WDR86: variants seen among roughly 807,000 people sequenced by gnomAD.
WDR86 encodes the protein WD repeat domain 86.
A neutral mutation model predicts 36.5 loss-of-function variants in WDR86; 30 were observed. The observed-to-expected ratio is 0.82, with a 90% CI of 0.61 to 1.11. The LOEUF (loss-of-function observed/expected upper bound fraction) is 1.11, where lower values mean the gene tolerates loss of function less well. Ranked by LOEUF, WDR86 falls within the 50% of genes most tolerant of loss-of-function variation. WDR86 has a pLI of 0.00. For synonymous variants in WDR86, 255 were observed against 252.9 expected, an observed-to-expected ratio of 1.01 and a Z score of -0.08; for missense variants, 545 against 561.2, an observed-to-expected ratio of 0.97 and a Z score of 0.29.
downstream of WDR86, chr7:151,381,074 A>G (rs1204028968): frequency 4.5e-6 from 5 of 1,106,254 alleles, no homozygotes; most frequent in East Asian, 1.1e-4. This position sits in a 1 kb window ranked among gnomAD's most constrained non-coding sequence, Gnocchi z 4.8. Context: ...CCAAGCTCCA[A>G]AAAGAAGCTG....
At chr7:151,392,585 C>T (rs923998411) in intron 3 of WDR86, among the ~76,000 whole-genome samples, 3 of 152,136 alleles carry the variant, frequency 2.0e-5, no homozygotes, top group Admixed American at 6.5e-5. Flanking sequence ...CCTCATCCCA[C>T]GAGCCTGGCT....
chr7:151,393,945 G>A (rs922200024), intron 3 of WDR86, among the ~76,000 whole-genome samples: 18 of 152,112 alleles, frequency 1.2e-4, no homozygotes, highest in Admixed American at 9.2e-4. Context: ...GGATGATGTC[G>A]AGTTAAAAGG....
chr7:151,376,708 C>T (rs185541608), downstream of WDR86: 71 of 1,608,876 alleles, frequency 4.4e-5, no homozygotes, highest in Middle Eastern at 1.7e-4. Flanking sequence ...TCCAGCTGGC[C>T]GCCCAGACCC....
intron 1 of WDR86, among the ~76,000 whole-genome samples, chr7:151,400,755 C>A (rs59658645): frequency 6.6e-6 from 1 of 152,150 alleles, no homozygotes; most frequent in Non-Finnish European, 1.5e-5. Flanking sequence ...CAGTGAGGCA[C>A]GACAGATAGT....
intron 4 of WDR86, 37 bp downstream of exon 4, chr7:151,385,051 T>TG: frequency 1.3e-6 from 2 of 1,549,090 alleles, no homozygotes; most frequent in East Asian, 4.5e-5. Context: ...GAAGCCAGGC[T>TG]GGGGTGGCAC....
At chr7:151,398,765 C>T (rs1319667205) in intron 2 of WDR86, among the ~76,000 whole-genome samples, 1 of 152,152 alleles carries the variant, frequency 6.6e-6, no homozygotes, top group African/African-American at 2.4e-5. Flanking sequence ...TCTGGCCGAG[C>T]ATGATTTCTA....
At chr7:151,383,664 G>A (rs999018761) in intron 4 of WDR86, among the ~76,000 whole-genome samples, 2 of 152,170 alleles carry the variant, frequency 1.3e-5, no homozygotes, top group South Asian at 2.1e-4. Context: ...CCCCAGAGGG[G>A]AAGTTTCATT....
At chr7:151,410,312 C>T (rs1801122060), upstream of WDR86, among the ~76,000 whole-genome samples, 1 of 152,266 alleles carries the variant, frequency 6.6e-6, no homozygotes, top group Non-Finnish European at 1.5e-5. Context: ...GGGAGAATCG[C>T]GCGCCGGGAA....
chr7:151,391,774 C>T (rs1799455400), intron 3 of WDR86, among the ~76,000 whole-genome samples: 1 of 152,132 alleles, frequency 6.6e-6, no homozygotes, highest in African/African-American at 2.4e-5. Context: ...ATGGCGGGAA[C>T]AAAGTAAAAG....
chr7:151,403,611 C>T (rs914011921), intron 1 of WDR86, among the ~76,000 whole-genome samples: 3 of 152,108 alleles, frequency 2.0e-5, no homozygotes, highest in Non-Finnish European at 2.9e-5. Flanking sequence ...TATACCAGGC[C>T]GCTAAGAAAA....
intron 2 of WDR86, among the ~76,000 whole-genome samples, chr7:151,397,796 AG>A (rs1799967691): frequency 5.0e-5 from 2 of 39,830 alleles, no homozygotes; most frequent in African/African-American, 1.3e-4. Context: ...GCATAGCGGG[AG>A]GAAGGGCATA....
downstream of WDR86, chr7:151,377,276 G>A (rs1798346544): frequency 1.6e-6 from 2 of 1,236,176 alleles, no homozygotes; most frequent in African/African-American, 1.5e-5. Context: ...CTATCATTAT[G>A]AAAAGGCTAA....
chr7:151,398,510 A>G (rs1800050354), intron 2 of WDR86, among the ~76,000 whole-genome samples: 1 of 149,132 alleles, frequency 6.7e-6, no homozygotes, highest in Non-Finnish European at 1.5e-5. Context: ...GCACGTGTGT[A>G]TGTGTAAGTT....
chr7:151,407,579 T>G (rs1380649157), intron 1 of WDR86, among the ~76,000 whole-genome samples: 1 of 152,162 alleles, frequency 6.6e-6, no homozygotes, highest in Non-Finnish European at 1.5e-5. Context: ...TGGCTCACAC[T>G]TGTAATCTCA....
At chr7:151,399,946 G>A (rs535227130) in intron 2 of WDR86, among the ~76,000 whole-genome samples, 154 bp downstream of exon 2, 9 of 152,206 alleles carry the variant, frequency 5.9e-5, no homozygotes, top group Non-Finnish European at 1.0e-4. Context: ...GGTCCACGTC[G>A]CTGGGTGCTA....
At chr7:151,375,650 G>A (rs915924206), downstream of WDR86, among the ~76,000 whole-genome samples, 9 of 152,148 alleles carry the variant, frequency 5.9e-5, no homozygotes, top group Admixed American at 5.9e-4. Flanking sequence ...GACTAGTCTT[G>A]CTCCTCCTTC....
rs1800751899 is a variant in WDR86 at position 151,406,993 on chromosome 7, C to T, written c.163+2434G>A. On this transcript the variant is annotated intron_variant, in intron 1 of 5. Transcript: ENST00000334493. The surrounding 1 kb of genome is among the most constrained non-coding windows in gnomAD (Gnocchi z 4.4). ...ACACCTTGCTTTCTTTGGGGATCCACACAAAAGGACTGTCACACACTCACA... is the reference window on the plus strand; with the variant it reads ...ACACCTTGCTTTCTTTGGGGATCCATACAAAAGGACTGTCACACACTCACA... Among the ~76,000 whole-genome samples the T allele has an allele frequency of 6.6e-6, 1 of 152,116 alleles. No homozygotes were observed. Among genetic ancestry groups the T allele is most frequent in the African/African-American group, 2.4e-5 (1 of 41,396 alleles).
Position 151,409,799 on chromosome 7 carries a change from CG to C in WDR86, c.-211del. On this transcript the variant is annotated 5_prime_UTR_variant, in exon 1 of 6. Transcript: ENST00000334493. The surrounding 1 kb of genome is among the most constrained non-coding windows in gnomAD (Gnocchi z 5.2). The stretch of plus-strand genomic sequence containing the variant: ...CTGGGCCCGCGAACCCAGGGCGCTG[CG>C]GGGGGCGGCCCACTCGGGACCTCCG... 7.9e-7 allele frequency: 1 copy of C among 1,262,820 alleles called. No individual in the cohort carries two copies. The highest frequency in any genetic ancestry group is 3.1e-5 in the South Asian group (1 of 32,324). The allele number at this position is 1,262,820 out of a possible 1,614,324, so 78.2% of individuals were successfully genotyped here.
chr7:151,410,172 G>C, upstream of WDR86: 1 of 797,114 alleles, frequency 1.3e-6, no homozygotes, highest in Non-Finnish European at 1.5e-6. Flanking sequence ...ACGGCTCCAC[G>C]TGCGACCCTC....
Sources: allele counts gnomAD v4.1 joint callset (sites outside exome capture counted in the v4.1 genomes callset), GRCh38; gene constraint gnomAD v4.1.1; non-coding constraint Gnocchi (gnomAD v3.1); transcripts MANE v1.5; gene names NCBI Gene and HGNC (gene_info 2026-07-23, HGNC 2026-07-21).